KCNMA1: variants seen among roughly 807,000 people sequenced by gnomAD.
KCNMA1 encodes Calcium-activated potassium channel subunit alpha-1.
KCNMA1 carries 29 observed loss-of-function variants against 140.0 expected under a neutral mutation model. That is an observed-to-expected ratio of 0.21 (90% CI 0.15 to 0.28). The LOEUF (loss-of-function observed/expected upper bound fraction) is 0.28, where lower values mean the gene tolerates loss of function less well. KCNMA1 is among the 10% of genes least tolerant of loss of function. The pLI, the probability that KCNMA1 is intolerant of heterozygous loss-of-function variation, is 1.00. For missense variants in KCNMA1, 880 were observed against 1,602.2 expected (o/e 0.55, Z 7.70); for synonymous variants, 612 against 611.9 (o/e 1.00, Z 0.00).
intron 1 of KCNMA1, among the ~76,000 whole-genome samples, chr10:77,483,915 G>A (rs1261634280): frequency 6.6e-6 from 1 of 152,156 alleles, no homozygotes; most frequent in Non-Finnish European, 1.5e-5. Context: ...AAACCACACT[G>A]AGTTTTCATG....
intron 6 of KCNMA1, among the ~76,000 whole-genome samples, chr10:77,112,845 T>C (rs1017364952): frequency 6.6e-6 from 1 of 151,326 alleles, no homozygotes; most frequent in Non-Finnish European, 1.5e-5. Context: ...CATGTACATA[T>C]ATATATATAT....
intron 1 of KCNMA1, among the ~76,000 whole-genome samples, chr10:77,482,115 G>A (rs751458378): frequency 1.3e-5 from 2 of 152,230 alleles, no homozygotes; most frequent in African/African-American, 2.4e-5. Context: ...TCATTATTCA[G>A]GCAGATTAAA....
chr10:77,437,171 G>A (rs976788097), intron 1 of KCNMA1, among the ~76,000 whole-genome samples: 3 of 152,112 alleles, frequency 2.0e-5, no homozygotes, highest in East Asian at 1.9e-4. Flanking sequence ...GGGCTGCCAC[G>A]GAGCAGCATT....
At chr10:77,555,689 A>G (rs1567522195) in intron 1 of KCNMA1, among the ~76,000 whole-genome samples, 1 of 152,232 alleles carries the variant, frequency 6.6e-6, no homozygotes, top group African/African-American at 2.4e-5. Flanking sequence ...ATGTAAAAAC[A>G]TCATTTTCCA....
chr10:77,300,297 T>G lies in KCNMA1; in HGVS notation c.541-49041A>C, dbSNP rs547619650. Among the ~76,000 whole-genome samples the G allele has an allele frequency of 3.9e-5, 6 of 152,288 alleles. No individual in the cohort carries two copies. The South Asian group carries it at 1.2e-3, about 32-fold the overall frequency. On this transcript the variant is annotated intron_variant, in intron 2 of 27. Transcript: ENST00000286628. The stretch of plus-strand genomic sequence containing the variant: ...GTGGGCTACTTCTGAAAACCACACT[T>G]TGAATTCCAGTCCCATCACTGACCA...
chr10:77,629,807 T>C (rs2092975284), intron 1 of KCNMA1, among the ~76,000 whole-genome samples: 1 of 152,164 alleles, frequency 6.6e-6, no homozygotes, highest in Non-Finnish European at 1.5e-5. Flanking sequence ...ACAACAACAA[T>C]AATTATAACC....
intron 3 of KCNMA1, among the ~76,000 whole-genome samples, chr10:77,230,509 C>T (rs1017812662): frequency 6.6e-6 from 1 of 152,166 alleles, no homozygotes; most frequent in African/African-American, 2.4e-5. Context: ...TTCACAAGTT[C>T]TCTATTGCAC....
intron 5 of KCNMA1, among the ~76,000 whole-genome samples, chr10:77,167,128 T>G (rs2098651503): frequency 6.6e-6 from 1 of 152,164 alleles, no homozygotes; most frequent in African/African-American, 2.4e-5. Context: ...CCTCCCCTCC[T>G]TCCTACCCTT....
chr10:77,260,087 C>T (rs1476445226), intron 2 of KCNMA1, among the ~76,000 whole-genome samples: 2 of 152,096 alleles, frequency 1.3e-5, no homozygotes, highest in Non-Finnish European at 2.9e-5. Flanking sequence ...AGATGCAGTT[C>T]CAGGTAATGG....
intron 2 of KCNMA1, among the ~76,000 whole-genome samples, chr10:77,380,234 T>C (rs1453940868): frequency 1.3e-5 from 2 of 152,182 alleles, no homozygotes; most frequent in Admixed American, 6.5e-5. Context: ...GGTATCAATA[T>C]AAAGAACATT....
intron 23 of KCNMA1, among the ~76,000 whole-genome samples, chr10:76,940,998 A>AAGG (rs2061823952): frequency 7.9e-5 from 5 of 63,304 alleles, no homozygotes; most frequent in South Asian, 4.7e-4. Context: ...AGAGAGAAAG[A>AAGG]AAGGAAGGAA....
At position 77,562,988 on chromosome 10, in the gene KCNMA1, G is replaced by A. The variant is rs10509389; in HGVS notation, c.378+74277C>T. On this transcript the variant is annotated intron_variant, in intron 1 of 27. Transcript: ENST00000286628. ...CCAGAACAGATGGGGAAAAAATTAC[G>A]CTATGCCCTGAAATTTTCCATTCTT... Among the ~76,000 whole-genome samples, 1,372 of 151,926 alleles carry A rather than the reference G, an allele frequency of 9.0e-3. 13 individuals carry two copies. Among genetic ancestry groups the A allele is most frequent in the East Asian group, 0.051 (262 of 5,156 alleles).
At chr10:77,073,959 T>C in intron 13 of KCNMA1, among the ~76,000 whole-genome samples, 1 of 152,156 alleles carries the variant, frequency 6.6e-6, no homozygotes, top group East Asian at 1.9e-4. Flanking sequence ...AGAGGCATGC[T>C]CATCCAATTA....
At chr10:77,244,144 A>G (rs1044955169) in intron 3 of KCNMA1, among the ~76,000 whole-genome samples, 4 of 152,176 alleles carry the variant, frequency 2.6e-5, no homozygotes, top group African/African-American at 9.7e-5. Context: ...ATCAAGTAGA[A>G]AAGGACTGGG....
chr10:77,548,708 T>C (rs914121636), intron 1 of KCNMA1, among the ~76,000 whole-genome samples: 1 of 152,206 alleles, frequency 6.6e-6, no homozygotes, highest in Admixed American at 6.5e-5. Flanking sequence ...TAACTCCTGA[T>C]GCAACCTTAG....
At chr10:77,102,766 C>T (rs574342325) in intron 9 of KCNMA1, among the ~76,000 whole-genome samples, 1 of 152,208 alleles carries the variant, frequency 6.6e-6, no homozygotes, top group African/African-American at 2.4e-5. Flanking sequence ...TCCAGTGTAA[C>T]TAATCCCTGT....
intron 1 of KCNMA1, among the ~76,000 whole-genome samples, chr10:77,556,733 G>C (rs1208678112): frequency 6.6e-6 from 1 of 152,088 alleles, no homozygotes; most frequent in Non-Finnish European, 1.5e-5. Context: ...TCCCAACCAA[G>C]TGCCTGATGC....
intron 1 of KCNMA1, among the ~76,000 whole-genome samples, chr10:77,419,317 A>T (rs982695325): frequency 6.6e-6 from 1 of 152,194 alleles, no homozygotes. Flanking sequence ...AAGACGCCCC[A>T]CGTCTCCATA....
At chr10:77,567,256 C>T (rs2068676607) in intron 1 of KCNMA1, among the ~76,000 whole-genome samples, 1 of 152,234 alleles carries the variant, frequency 6.6e-6, no homozygotes, top group Non-Finnish European at 1.5e-5. Flanking sequence ...AACCAAGATC[C>T]ATATCTGTCA....
Sources: allele counts gnomAD v4.1 joint callset (sites outside exome capture counted in the v4.1 genomes callset), GRCh38; gene constraint gnomAD v4.1.1; transcripts MANE v1.5; gene names NCBI Gene and HGNC (gene_info 2026-07-23, HGNC 2026-07-21).